Variants in CNTN6 observed in about 807,000 individuals in gnomAD.
CNTN6 encodes contactin 6, also known as contactin-6.
Under a neutral mutation model 122.8 loss-of-function variants are expected in CNTN6, and 137 were observed. The observed-to-expected ratio is 1.12, with a 90% CI of 0.97 to 1.29. CNTN6 has a LOEUF of 1.29. Among genes scored for constraint, CNTN6 ranks in the 50% most tolerant of loss-of-function variants. The pLI, the probability that CNTN6 is intolerant of heterozygous loss-of-function variation, is 0.00. For missense variants in CNTN6, 1,634 were observed against 1,223.4 expected (o/e 1.34, Z -5.01); for synonymous variants, 570 against 426.0 (o/e 1.34, Z -4.16).
At chr3:1,256,439 G>A (rs527825914) in intron 4 of CNTN6, among the ~76,000 whole-genome samples, 14 of 152,140 alleles carry the variant, frequency 9.2e-5, no homozygotes, top group Non-Finnish European at 1.8e-4. Flanking sequence ...ATGGATAATT[G>A]ATATTTATTA....
At chr3:1,377,698 G>A (rs568226970) in intron 17 of CNTN6, among the ~76,000 whole-genome samples, 76 of 152,222 alleles carry the variant, frequency 5.0e-4, no homozygotes, top group African/African-American at 1.7e-3. Context: ...ATTCTATAGC[G>A]TGAAAGGGAA....
intron 2 of CNTN6, among the ~76,000 whole-genome samples, chr3:1,153,509 C>T (rs1209113750): frequency 1.3e-5 from 2 of 152,124 alleles, no homozygotes; most frequent in Non-Finnish European, 2.9e-5. Flanking sequence ...GTTTTTAGGG[C>T]TGATACCCAT....
Position 1,243,738 on chromosome 3 carries a change from G to A in CNTN6, c.358+15745G>A, listed in dbSNP as rs138646340. Among the ~76,000 whole-genome samples the A allele has an allele frequency of 3.9e-5, 6 of 152,330 alleles. No individual in the cohort carries two copies. In the East Asian group the frequency reaches 1.2e-3, roughly 29 times the overall value. ...AGTAAATTGCTCGGCAGGTGGGGAA[G>A]AGCTAGTCACAGAACGAAACTGTAA... On this transcript the variant is annotated intron_variant, in intron 4 of 22. Transcript: ENST00000446702.
At chr3:1,350,348 C>T (rs748121413) in intron 11 of CNTN6, among the ~76,000 whole-genome samples, 2 of 151,744 alleles carry the variant, frequency 1.3e-5, no homozygotes, top group African/African-American at 2.4e-5. Flanking sequence ...TTTTACTAAA[C>T]GTAAGGCAAA....
At chr3:1,151,843 T>C (rs1311318190) in intron 2 of CNTN6, among the ~76,000 whole-genome samples, 1 of 152,004 alleles carries the variant, frequency 6.6e-6, no homozygotes, top group Non-Finnish European at 1.5e-5. Flanking sequence ...GCTTATTCAC[T>C]AATGAAAATG....
At chr3:1,201,097 TTTTGTGTGTGTG>T (rs1279624551) in intron 2 of CNTN6, among the ~76,000 whole-genome samples, 48 of 112,800 alleles carry the variant, frequency 4.3e-4, no homozygotes, top group African/African-American at 5.0e-4. Flanking sequence ...CCAGCTAACA[TTTTGTGTGTGTG>T]TGTGTGTGTG....
intron 5 of CNTN6, among the ~76,000 whole-genome samples, chr3:1,287,273 A>T (rs957784011): frequency 6.6e-6 from 1 of 152,180 alleles, no homozygotes; most frequent in Admixed American, 6.5e-5. Context: ...GCACGTTGTT[A>T]AGATGTTTAG....
intron 4 of CNTN6, among the ~76,000 whole-genome samples, chr3:1,254,391 G>T (rs976875543): frequency 7.2e-5 from 11 of 152,116 alleles, no homozygotes; most frequent in Middle Eastern, 3.2e-3. Context: ...TTTAAATGTT[G>T]TGTAGTATTT....
chr3:1,300,603 A>G lies in CNTN6; in HGVS notation c.761+2612A>G, dbSNP rs1042423326. Among the ~76,000 whole-genome samples, 64 of 117,318 alleles carry G rather than the reference A, an allele frequency of 5.5e-4. 1 individual carries two copies. Among genetic ancestry groups the G allele is most frequent in the Admixed American group, 9.7e-4 (13 of 13,442 alleles). 77.0% of individuals were successfully genotyped at this position (117,318 alleles called of 152,430 possible). The stretch of plus-strand genomic sequence containing the variant: ...AAAGAAAGAAAGAAAGAAAGAAAGA[A>G]AGAGAGAAAGAAAGGAAGAAAAGGA... On this transcript the variant is annotated intron_variant, in intron 7 of 22. Coordinates refer to ENST00000446702, the MANE Select transcript of CNTN6 (RefSeq NM_001289080.2).
At chr3:1,278,936 A>G (rs1255728565) in intron 5 of CNTN6, among the ~76,000 whole-genome samples, 1 of 152,232 alleles carries the variant, frequency 6.6e-6, no homozygotes, top group Admixed American at 6.5e-5. Context: ...AAATGAGCTA[A>G]TAAATGTAAA....
chr3:1,263,664 T>C (rs917357223), intron 4 of CNTN6, among the ~76,000 whole-genome samples: 4 of 152,166 alleles, frequency 2.6e-5, no homozygotes, highest in African/African-American at 9.7e-5. Flanking sequence ...GCTTTAGAGG[T>C]ATAATTATTT....
intron 2 of CNTN6, among the ~76,000 whole-genome samples, chr3:1,155,328 A>G (rs1362464976): frequency 6.6e-6 from 1 of 152,178 alleles, no homozygotes; most frequent in East Asian, 1.9e-4. Context: ...TTTAAAATAA[A>G]TGAGCACGTT....
Position 1,163,906 on chromosome 3 carries a change from C to A in CNTN6, c.55+15843C>A, listed in dbSNP as rs550016824. ...GGATTCATCTCAATTTAAACTACTGCTTCTTTTAGTGGTAAACATTGAAGA... is the reference window on the plus strand; with the variant it reads ...GGATTCATCTCAATTTAAACTACTGATTCTTTTAGTGGTAAACATTGAAGA... On this transcript the variant is annotated intron_variant, in intron 2 of 22. Transcript: ENST00000446702. Among the ~76,000 whole-genome samples the A allele has an allele frequency of 2.6e-5, 4 of 152,314 alleles. No homozygotes were observed. The South Asian group carries it at 8.3e-4, about 32-fold the overall frequency.
At chr3:1,258,721 C>T (rs528886337) in intron 4 of CNTN6, among the ~76,000 whole-genome samples, 3 of 152,066 alleles carry the variant, frequency 2.0e-5, no homozygotes, top group East Asian at 1.9e-4. Context: ...CCTATATCTC[C>T]AGTTCATCTT....
chr3:1,385,492 C>T, intron 19 of CNTN6, 119 bp from the exon 20 acceptor site: 1 of 666,512 alleles, frequency 1.5e-6, no homozygotes. Context: ...ACGTTTTTGT[C>T]ATCTATACTT....
In CNTN6 at chr3:1,300,494, A is replaced by AGG. The variant is rs748225706; in HGVS notation, c.761+2503_761+2504insGG. Reference sequence around the variant, plus strand: ...AAGGAAGGAAGGAAGGAAGGAAGGAAAAAGAAAAGAAAGAGAAAGAAAGAA... The same window carrying AGG: ...AAGGAAGGAAGGAAGGAAGGAAGGAAGGAAAGAAAAGAAAGAGAAAGAAAGAA... On this transcript the variant is annotated intron_variant, in intron 7 of 22. Coordinates refer to ENST00000446702, the MANE Select transcript of CNTN6 (RefSeq NM_001289080.2). 1.0e-3 allele frequency among the ~76,000 whole-genome samples: 138 copies of AGG among 132,250 alleles called. 4 individuals carry two copies. The highest frequency in any genetic ancestry group is 3.4e-3 in the African/African-American group (103 of 30,448). 86.8% of individuals were successfully genotyped at this position (132,250 alleles called of 152,430 possible).
At chr3:1,366,694 G>A (rs1005469886) in intron 12 of CNTN6, among the ~76,000 whole-genome samples, 5 of 152,222 alleles carry the variant, frequency 3.3e-5, no homozygotes, top group African/African-American at 1.2e-4. Flanking sequence ...GCACATGGCT[G>A]TAGAATGAAC....
chr3:1,378,458 T>A (rs575670231), intron 17 of CNTN6, among the ~76,000 whole-genome samples: 17 of 152,166 alleles, frequency 1.1e-4, no homozygotes, highest in African/African-American at 3.4e-4. Flanking sequence ...GCAATTGCCC[T>A]GAAAGTCACC....
At chr3:1,097,957 A>G (rs9881241) in intron 1 of CNTN6, among the ~76,000 whole-genome samples, 26,713 of 152,100 alleles carry the variant, frequency 0.18, 4,872 homozygotes, top group African/African-American at 0.47. Flanking sequence ...TCATAAGTGG[A>G]TATTAAAATA....
Sources: allele counts gnomAD v4.1 joint callset (sites outside exome capture counted in the v4.1 genomes callset), GRCh38; gene constraint gnomAD v4.1.1; transcripts MANE v1.5; gene names NCBI Gene and HGNC (gene_info 2026-07-23, HGNC 2026-07-21).